The following SGCD variants were observed in gnomAD, a reference collection of about 807,000 sequenced individuals.
SGCD encodes sarcoglycan delta.
In SGCD, 18 loss-of-function variants were observed where a neutral mutation model predicts 36.6. That is an observed-to-expected ratio of 0.49 (90% CI 0.34 to 0.73). The LOEUF is 0.73. SGCD is among the 30% of genes least tolerant of loss of function. SGCD has a pLI of 0.01. For missense variants in SGCD, 387 were observed against 346.7 expected (o/e 1.12, Z -0.92); for synonymous variants, 133 against 130.6 (o/e 1.02, Z -0.12).
the SGCD span, among the ~76,000 whole-genome samples, chr5:155,849,998 CTA>C: frequency 6.6e-6 from 1 of 152,252 alleles, no homozygotes; most frequent in African/African-American, 2.4e-5. Context: ...ATATCATTTG[CTA>C]TATAAATATC....
intron 1 of SGCD, among the ~76,000 whole-genome samples, chr5:156,085,170 G>A (rs1761062491): frequency 6.8e-6 from 1 of 147,798 alleles, no homozygotes; most frequent in South Asian, 2.1e-4. Context: ...TCTTTTTGTT[G>A]TTGTTGTTGT....
At chr5:156,042,744 A>G (rs181679656) in intron 1 of SGCD, among the ~76,000 whole-genome samples, 15 of 152,318 alleles carry the variant, frequency 9.8e-5, no homozygotes, top group African/African-American at 3.4e-4. Flanking sequence ...GATATGCAGA[A>G]ACCTGAAAAG....
intron 2 of SGCD, among the ~76,000 whole-genome samples, chr5:156,340,908 C>T (rs1768616194): frequency 6.6e-6 from 1 of 152,276 alleles, no homozygotes; most frequent in South Asian, 2.1e-4. Context: ...CCTTTCCATG[C>T]AGGATTCTTT....
At chr5:155,882,255 T>C (rs1271840550) in intron 1 of SGCD, among the ~76,000 whole-genome samples, 1 of 152,018 alleles carries the variant, frequency 6.6e-6, no homozygotes, top group African/African-American at 2.4e-5. Flanking sequence ...TTTAAAAAAC[T>C]TTTTATAGAG....
the SGCD span, among the ~76,000 whole-genome samples, chr5:155,860,858 T>A: frequency 6.6e-6 from 1 of 152,182 alleles, no homozygotes; most frequent in Non-Finnish European, 1.5e-5. Flanking sequence ...AACAATTTGA[T>A]AACTGTCACA....
chr5:156,298,577 T>C lies in SGCD; in HGVS notation c.-43-30957T>C, dbSNP rs1236026102. Among the ~76,000 whole-genome samples the C allele has an allele frequency of 3.8e-5, 4 of 106,004 alleles. No homozygotes were observed. The Admixed American group carries it at 4.2e-4, about 11-fold the overall frequency. The allele number at this position is 106,004 out of a possible 152,430, so 69.5% of individuals were successfully genotyped here. A position where few individuals can be genotyped will look rare whatever the true frequency, so the allele number is the denominator to read the frequency against. On this transcript the variant is annotated intron_variant, in intron 3 of 9. Transcript: ENST00000517913. ...ATTTGTTAAGTCTTTTTTTCTTTTCTTTTTTTTTTTTTTTTTTTTGGAGAC... is the reference window on the plus strand; with the variant it reads ...ATTTGTTAAGTCTTTTTTTCTTTTCCTTTTTTTTTTTTTTTTTTTGGAGAC...
At chr5:156,546,836 T>A (rs766743930) in intron 4 of SGCD, among the ~76,000 whole-genome samples, 2 of 152,268 alleles carry the variant, frequency 1.3e-5, no homozygotes, top group South Asian at 2.1e-4. Context: ...AGAAATAGCA[T>A]GGGATAAGTA....
At chr5:156,645,812 T>A (rs575574144) in intron 6 of SGCD, among the ~76,000 whole-genome samples, 1 of 152,268 alleles carries the variant, frequency 6.6e-6, no homozygotes, top group East Asian at 1.9e-4. Flanking sequence ...TCCAGTACTG[T>A]TTCTAGTTCA....
At chr5:156,273,095 T>C (rs1458672766) in intron 3 of SGCD, among the ~76,000 whole-genome samples, 2 of 152,172 alleles carry the variant, frequency 1.3e-5, no homozygotes, top group African/African-American at 2.4e-5. Flanking sequence ...AGAGAAACTA[T>C]TGGATGTATT....
chr5:156,546,608 GAA>G (rs11297942), intron 4 of SGCD, among the ~76,000 whole-genome samples: 12 of 150,220 alleles, frequency 8.0e-5, no homozygotes, highest in African/African-American at 2.4e-4. Context: ...GCTATAGAAG[GAA>G]AAAAAAAATG....
chr5:156,168,859 A>C (rs982554790), intron 3 of SGCD, among the ~76,000 whole-genome samples: 2 of 152,362 alleles, frequency 1.3e-5, no homozygotes, highest in African/African-American at 4.8e-5. Flanking sequence ...AGTTGGAATC[A>C]GCAAGAATAA....
intron 3 of SGCD, among the ~76,000 whole-genome samples, chr5:156,495,733 C>T (rs569184765): frequency 1.3e-5 from 2 of 152,282 alleles, no homozygotes; most frequent in South Asian, 4.1e-4. Context: ...TTTTATGTGG[C>T]TTCTTAAGAT....
chr5:156,308,547 C>T (rs1253985177), intron 3 of SGCD, among the ~76,000 whole-genome samples: 1 of 152,158 alleles, frequency 6.6e-6, no homozygotes, highest in African/African-American at 2.4e-5. Context: ...ATCCACCTGC[C>T]TTGGCGTCCC....
chr5:155,824,888 T>A, the SGCD span, among the ~76,000 whole-genome samples: 1 of 152,340 alleles, frequency 6.6e-6, no homozygotes, highest in Admixed American at 6.5e-5. Flanking sequence ...CAGTAAAAAT[T>A]AGAGGACAAT....
chr5:156,526,178 G>T (rs78319338), intron 4 of SGCD, among the ~76,000 whole-genome samples: 5 of 152,048 alleles, frequency 3.3e-5, no homozygotes, highest in Non-Finnish European at 7.4e-5. Context: ...GTTCGTCTAA[G>T]CACTAAAGAA....
chr5:156,147,795 C>A (rs1302095450), intron 3 of SGCD, among the ~76,000 whole-genome samples: 2 of 152,132 alleles, frequency 1.3e-5, no homozygotes, highest in Non-Finnish European at 2.9e-5. Flanking sequence ...TCTTTTAATG[C>A]AGTGACATTC....
At chr5:156,132,334 A>G (rs553678559) in intron 3 of SGCD, among the ~76,000 whole-genome samples, 1 of 151,976 alleles carries the variant, frequency 6.6e-6, no homozygotes, top group Non-Finnish European at 1.5e-5. Flanking sequence ...CTGGTTTTGT[A>G]GAAGTCCTAA....
At chr5:155,749,753 G>A in the SGCD span, among the ~76,000 whole-genome samples, 1 of 152,074 alleles carries the variant, frequency 6.6e-6, no homozygotes, top group Non-Finnish European at 1.5e-5. Flanking sequence ...GGGTTGACTT[G>A]GTGTACATTT....
At chr5:156,391,208 G>A (rs971508036) in intron 3 of SGCD, among the ~76,000 whole-genome samples, 1 of 152,228 alleles carries the variant, frequency 6.6e-6, no homozygotes, top group Non-Finnish European at 1.5e-5. Context: ...GTTGCCTACT[G>A]TATTAAGTAC....
Sources: gnomAD v4.1 joint callset for allele counts (sites outside exome capture counted in the v4.1 genomes callset) on GRCh38, gnomAD v4.1.1 for gene constraint, MANE v1.5 for transcripts, NCBI Gene and HGNC (gene_info 2026-07-23, HGNC 2026-07-21) for gene names.